ATP10A: variants seen among roughly 807,000 people sequenced by gnomAD.
ATP10A encodes the protein ATPase phospholipid transporting 10A (putative).
Under a neutral mutation model 147.8 loss-of-function variants are expected in ATP10A, and 111 were observed. The observed-to-expected ratio is 0.75, with a 90% CI of 0.64 to 0.88. ATP10A has a LOEUF of 0.88. Among genes scored for constraint, ATP10A ranks in the 40% least tolerant of loss-of-function variants. The pLI, the probability that ATP10A is intolerant of heterozygous loss-of-function variation, is 0.00. For missense variants in ATP10A, 1,927 were observed against 1,959.0 expected (o/e 0.98, Z 0.31); for synonymous variants, 875 against 841.6 (o/e 1.04, Z -0.69).
At chr15:25,818,676 G>C (rs11638983) in intron 1 of ATP10A, among the ~76,000 whole-genome samples, 1 of 151,860 alleles carries the variant, frequency 6.6e-6, no homozygotes, top group Non-Finnish European at 1.5e-5. Flanking sequence ...GAACAAAGCC[G>C]GGGCATCACA....
intron 13 of ATP10A, among the ~76,000 whole-genome samples, chr15:25,701,356 G>A (rs1021088117): frequency 6.6e-6 from 1 of 152,194 alleles, no homozygotes; most frequent in African/African-American, 2.4e-5. Context: ...AGAGGCTGTG[G>A]TGGCTTTGGC....
chr15:25,693,912 G>A (rs1022444959), intron 14 of ATP10A, among the ~76,000 whole-genome samples: 2 of 152,248 alleles, frequency 1.3e-5, no homozygotes, highest in African/African-American at 4.8e-5. Flanking sequence ...AGCAGGGGCT[G>A]TCACAGACCT....
intron 1 of ATP10A, among the ~76,000 whole-genome samples, chr15:25,838,606 C>T (rs993872020): frequency 2.6e-5 from 4 of 152,168 alleles, no homozygotes; most frequent in Admixed American, 6.5e-5. Context: ...AATCCAGCAA[C>T]GGAGTGTTAT....
Position 25,862,698 on chromosome 15 carries a change from G to A in ATP10A, c.399C>T (p.Arg133=). The A allele has an allele frequency of 4.4e-6, 7 of 1,607,878 alleles. No homozygotes were observed. Among genetic ancestry groups the A allele is most frequent in the Non-Finnish European group, 6.0e-6 (7 of 1,176,192 alleles). The change falls in exon 1 of 21, where the codon CGC becomes CGT. Residue 133 remains arginine, a synonymous_variant. Coordinates refer to ENST00000555815, the MANE Select transcript of ATP10A (RefSeq NM_024490.4). ...GGTTGATCTTGTGGTCGGAGCGGTGGCGGCTGTAGTCCTCCCACAGGTCCC... is the reference window on the plus strand; with the variant it reads ...GGTTGATCTTGTGGTCGGAGCGGTGACGGCTGTAGTCCTCCCACAGGTCCC... The part of the protein sequence containing the change: ...AFRDLWEDYS[R]HRSDHKINHL...
Position 25,681,026 on chromosome 15 carries a change from G to A in ATP10A, c.3541C>T (p.Gln1181Ter). 1 of 1,614,148 alleles carries A rather than the reference G, an allele frequency of 6.2e-7. No individual in the cohort carries two copies. The highest frequency in any genetic ancestry group is 1.3e-5 in the African/African-American group (1 of 75,046). ...FWFNMADAAF[Q>*]SLVCFSIPYL... ...GGAATGGAAAAGCAAACCAGGCTCT[G>A]GAAGGCGGCGTCGGCCATGTTAAAC... The change falls in exon 18 of 21, where the codon CAG (glutamine) becomes TAG (stop). Residue 1181 changes from glutamine to a stop codon, truncating the protein, a stop_gained. Coordinates refer to ENST00000555815, the MANE Select transcript of ATP10A (RefSeq NM_024490.4). LOFTEE classifies it high-confidence loss of function.
At chr15:25,790,105 G>A (rs917779021) in intron 1 of ATP10A, among the ~76,000 whole-genome samples, 1 of 152,134 alleles carries the variant, frequency 6.6e-6, no homozygotes, top group Non-Finnish European at 1.5e-5. Flanking sequence ...GTTGCATAAC[G>A]CCCAGAATGT....
At chr15:25,762,909 T>G (rs1212407169) in intron 2 of ATP10A, among the ~76,000 whole-genome samples, 5 of 152,224 alleles carry the variant, frequency 3.3e-5, no homozygotes, top group Middle Eastern at 3.2e-3. Context: ...TTATTTTATG[T>G]CAGTCAGACC....
intron 1 of ATP10A, among the ~76,000 whole-genome samples, chr15:25,840,605 A>T (rs1230868943): frequency 1.3e-5 from 2 of 152,178 alleles, no homozygotes; most frequent in African/African-American, 2.4e-5. Context: ...TTAAAAAAAA[A>T]TGCTGCGATG....
At chr15:25,733,488 G>A (rs925800182) in intron 3 of ATP10A, among the ~76,000 whole-genome samples, 2 of 152,272 alleles carry the variant, frequency 1.3e-5, no homozygotes, top group South Asian at 2.1e-4. Flanking sequence ...CTGATGGTCC[G>A]GGGCAGGGCT....
intron 1 of ATP10A, among the ~76,000 whole-genome samples, chr15:25,838,431 G>A (rs904881208): frequency 6.6e-6 from 1 of 152,070 alleles, no homozygotes; most frequent in African/African-American, 2.4e-5. Context: ...CAAGGTGACA[G>A]TGACACCTTC....
At chr15:25,691,992 T>C (rs1452104462) in intron 14 of ATP10A, among the ~76,000 whole-genome samples, 1 of 152,046 alleles carries the variant, frequency 6.6e-6, no homozygotes, top group African/African-American at 2.4e-5. Context: ...CACCAGGAGA[T>C]GTTTCGGAAA....
chr15:25,785,201 G>A (rs139628821), intron 1 of ATP10A, among the ~76,000 whole-genome samples: 1 of 152,252 alleles, frequency 6.6e-6, no homozygotes, highest in African/African-American at 2.4e-5. Context: ...CCCCTGAACT[G>A]TGTCCCCCGA....
chr15:25,741,837 A>C (rs927608643), intron 2 of ATP10A, among the ~76,000 whole-genome samples: 1 of 152,214 alleles, frequency 6.6e-6, no homozygotes, highest in African/African-American at 2.4e-5. Flanking sequence ...GTACTCAATC[A>C]GTTATTTATT....
At chr15:25,772,490 C>G (rs530468084) in intron 2 of ATP10A, among the ~76,000 whole-genome samples, 49 of 152,130 alleles carry the variant, frequency 3.2e-4, no homozygotes, top group African/African-American at 1.1e-3. Flanking sequence ...AGTCTGTCCT[C>G]GCAGAATTTC....
Position 25,841,525 on chromosome 15 carries a change from A to G in ATP10A, c.449+21123T>C, listed in dbSNP as rs1300264034. ...TCCACTTTATTATTCTTTTTGAGAA[A>G]TCTTGTGGACATTTTTGGACCTGTG... On this transcript the variant is annotated intron_variant, in intron 1 of 20. Coordinates refer to ENST00000555815, the MANE Select transcript of ATP10A (RefSeq NM_024490.4). 3 of 150,704 alleles carry G rather than the reference A, an allele frequency of 2.0e-5. No homozygotes were observed. The East Asian group carries it at 5.8e-4, about 29-fold the overall frequency. 9.3% of individuals were successfully genotyped at this position (150,704 alleles called of 1,614,324 possible).
chr15:25,853,476 G>A (rs1023712965), intron 1 of ATP10A, among the ~76,000 whole-genome samples: 10 of 152,210 alleles, frequency 6.6e-5, no homozygotes, highest in African/African-American at 1.4e-4. Context: ...TGGCCTTTGG[G>A]AAAGGGTAGT....
At chr15:25,730,183 C>G (rs868338482) in intron 3 of ATP10A, among the ~76,000 whole-genome samples, 1 of 151,624 alleles carries the variant, frequency 6.6e-6, no homozygotes, top group Admixed American at 6.6e-5. Flanking sequence ...CACCTGTAAT[C>G]CCAGCTACTC....
rs1901153884 is a variant in ATP10A, at chr15:25,708,087, C to T, written c.2464G>A (p.Glu822Lys). The T allele has an allele frequency of 1.9e-6, 3 of 1,614,024 alleles. No individual in the cohort carries two copies. Among genetic ancestry groups the T allele is most frequent in the South Asian group, 1.1e-5 (1 of 91,090 alleles). Reference protein sequence around the residue: ...CIAKRVLSKEEYACWLQSHLE... With the variant: ...CIAKRVLSKEKYACWLQSHLE... ...TGGCTTTGCAACCAGCAGGCATACT[C>T]TTCTTTACTCAGAACCTATGGGAGA... The change falls in exon 12 of 21, where the codon GAG (glutamate) becomes AAG (lysine). Residue 822 changes from glutamate (E) to lysine (K), a missense_variant. Physicochemically the swap from Glu to Lys is moderately conservative, Grantham distance 56. Transcript: ENST00000555815.
At chr15:25,674,772 C>G (rs1427599437), downstream of ATP10A, among the ~76,000 whole-genome samples, 4 of 152,250 alleles carry the variant, frequency 2.6e-5, no homozygotes, top group Non-Finnish European at 2.9e-5. Context: ...GGAAATACCA[C>G]TTTCTGCAGT....
Sources: gnomAD v4.1 joint callset for allele counts (sites outside exome capture counted in the v4.1 genomes callset) on GRCh38, gnomAD v4.1.1 for gene constraint, MANE v1.5 for transcripts, NCBI Gene and HGNC (gene_info 2026-07-23, HGNC 2026-07-21) for gene names.